Variants in DCLRE1C observed in about 807,000 individuals in gnomAD.
DCLRE1C encodes the protein protein artemis.
DCLRE1C carries 47 observed loss-of-function variants against 61.4 expected under a neutral mutation model. The ratio of observed to expected loss-of-function variants is 0.77; its 90% CI spans 0.61 to 0.98. The LOEUF (loss-of-function observed/expected upper bound fraction) is 0.98, where lower values mean the gene tolerates loss of function less well. DCLRE1C is among the 50% of genes least tolerant of loss of function. The pLI, the probability that DCLRE1C is intolerant of heterozygous loss-of-function variation, is 0.00. For missense variants in DCLRE1C, 858 were observed against 816.0 expected (o/e 1.05, Z -0.63); for synonymous variants, 337 against 287.6 (o/e 1.17, Z -1.74).
intron 9 of DCLRE1C, among the ~76,000 whole-genome samples, chr10:14,929,735 A>G (rs1380936000): frequency 2.0e-5 from 3 of 152,188 alleles, no homozygotes; most frequent in Non-Finnish European, 2.9e-5. Flanking sequence ...TTGAAAAAAA[A>G]TGGGACAACT....
chr10:14,913,518 TTCCTA>T (rs1464039918), intron 13 of DCLRE1C, among the ~76,000 whole-genome samples: 5 of 152,230 alleles, frequency 3.3e-5, no homozygotes, highest in African/African-American at 9.7e-5. Flanking sequence ...TGCTGGAACA[TTCCTA>T]TACCATATTT....
rs1163772028 is a variant in DCLRE1C, at chr10:14,932,935, G to T, written c.699C>A (p.Asp233Glu). The T allele has an allele frequency of 5.6e-6, 9 of 1,614,042 alleles. No individual in the cohort carries two copies. The South Asian group carries it at 9.9e-5, about 18-fold the overall frequency. Residue 233 changes from aspartate to glutamate, a missense_variant, in exon 9 of 14, where the codon GAC (aspartate) becomes GAA (glutamate). Physicochemically the swap from Asp to Glu is conservative, Grantham distance 45. Coordinates refer to ENST00000378278, the MANE Select transcript of DCLRE1C (RefSeq NM_001033855.3). Reference protein sequence around the residue: ...LGVQVHVNKLDMFRNMPEILH... With the variant: ...LGVQVHVNKLEMFRNMPEILH... ...GGATCTCAGGCATGTTCCTAAACAT[G>T]TCTAGCTTATTCACATGAACCTAAG...
At chr10:14,926,801 A>G (rs556247269) in intron 11 of DCLRE1C, 42 bp downstream of exon 11, 1 of 1,524,260 alleles carries the variant, frequency 6.6e-7, no homozygotes, top group Admixed American at 1.7e-5. Flanking sequence ...AGGCTGCAGA[A>G]CACTGAGCGA....
intron 8 of DCLRE1C, 31 bp downstream of exon 8, chr10:14,934,344 GAAAAA>G (rs1564438533): frequency 1.3e-6 from 2 of 1,539,556 alleles, no homozygotes; most frequent in African/African-American, 1.6e-5. Context: ...AAAAAAAAAA[GAAAAA>G]AGAAAAGAAA....
At chr10:14,937,011 C>A (rs1365265144) in intron 4 of DCLRE1C, among the ~76,000 whole-genome samples, 1 of 152,130 alleles carries the variant, frequency 6.6e-6, no homozygotes, top group African/African-American at 2.4e-5. Context: ...CATGGATGAT[C>A]CTTGAAAACA....
At chr10:14,929,394 ACT>A (rs953310705) in intron 9 of DCLRE1C, among the ~76,000 whole-genome samples, 1 of 151,396 alleles carries the variant, frequency 6.6e-6, no homozygotes, top group Non-Finnish European at 1.5e-5. Flanking sequence ...ACGGAGCGAA[ACT>A]CTATCTCAAA....
At chr10:14,924,195 C>T (rs1837580195) in intron 11 of DCLRE1C, among the ~76,000 whole-genome samples, 3 of 152,332 alleles carry the variant, frequency 2.0e-5, no homozygotes, top group Admixed American at 6.5e-5. Context: ...CTCTCACTCG[C>T]GTGCGCTCTC....
In DCLRE1C at chr10:14,909,295, G is replaced by A. The variant is rs764820306; in HGVS notation, c.1192C>T (p.Pro398Ser). ...EDDYLFDDPL[P>S]IPLRHKVPYP... Reference sequence around the variant, plus strand: ...GGAACTTTGTGCCTTAAAGGTATTGGCAGAGGATCATCAAAGAGATAGTCA... The same window carrying A: ...GGAACTTTGTGCCTTAAAGGTATTGACAGAGGATCATCAAAGAGATAGTCA... The change falls in exon 14 of 14, where the codon CCA becomes TCA. Residue 398 changes from proline (P) to serine (S), a missense_variant. By Grantham distance (74) the Pro-to-Ser change is moderately conservative (BLOSUM62 -1). This residue lies in a region of DCLRE1C where 843 missense variants were observed against 783.5 expected (regional missense o/e 1.08). Transcript: ENST00000378278. The A allele has an allele frequency of 1.6e-5, 26 of 1,613,730 alleles. No homozygotes were observed. In the East Asian group the frequency reaches 3.8e-4, roughly 24 times the overall value.
At chr10:14,933,967 T>C (rs1350492759) in intron 8 of DCLRE1C, among the ~76,000 whole-genome samples, 1 of 152,094 alleles carries the variant, frequency 6.6e-6, no homozygotes, top group Non-Finnish European at 1.5e-5. Context: ...CTGTCCCTGT[T>C]TGCAGTTATT....
Position 14,908,361 on chromosome 10 carries a change from T to G in DCLRE1C, c.*47A>C, listed in dbSNP as rs754629357. 1.4e-6 allele frequency: 2 copies of G among 1,384,522 alleles called. No homozygotes were observed. The highest frequency in any genetic ancestry group is 2.3e-5 in the South Asian group (2 of 86,198). The allele number at this position is 1,384,522 out of a possible 1,614,324, so 85.8% of individuals were successfully genotyped here. Reference sequence around the variant, plus strand: ...CTATTGTAATATTGACTGTCATCTCTGTGCAGGTTTTTTAGTGGTTGCTCT... The same window carrying G: ...CTATTGTAATATTGACTGTCATCTCGGTGCAGGTTTTTTAGTGGTTGCTCT... On this transcript the variant is annotated 3_prime_UTR_variant, in exon 14 of 14. Coordinates refer to ENST00000378278, the MANE Select transcript of DCLRE1C (RefSeq NM_001033855.3).
At chr10:14,901,044 A>C, downstream of DCLRE1C, 1 of 1,504,812 alleles carries the variant, frequency 6.6e-7, no homozygotes, top group Non-Finnish European at 9.0e-7. Flanking sequence ...CTTAAACTAA[A>C]TCTCTAGGAA....
intron 11 of DCLRE1C, among the ~76,000 whole-genome samples, chr10:14,925,278 CACTACT>C (rs774699410): frequency 3.2e-3 from 471 of 146,510 alleles, no homozygotes; most frequent in Non-Finnish European, 5.1e-3. Flanking sequence ...AGAAATGGTT[CACTACT>C]ACTTCTCAGA....
intron 13 of DCLRE1C, among the ~76,000 whole-genome samples, chr10:14,910,780 C>G (rs201079375): frequency 0.066 from 9,982 of 151,898 alleles, 497 homozygotes; most frequent in South Asian, 0.23. Flanking sequence ...GATGGAGTAA[C>G]GGACTAGATT....
In DCLRE1C at chr10:14,908,492, C is replaced by G. The variant is rs755306326; in HGVS notation, c.1995G>C (p.Glu665Asp). 4 of 1,613,978 alleles carry G rather than the reference C, an allele frequency of 2.5e-6. No homozygotes were observed. The South Asian group carries it at 4.4e-5, about 18-fold the overall frequency. Residue 665 changes from glutamate (E) to aspartate (D), a missense_variant, in exon 14 of 14, where the codon GAG (glutamate) becomes GAC (aspartate). Physicochemically the swap from Glu to Asp is conservative, Grantham distance 45. Around this residue, in one of 2 missense-constraint regions of DCLRE1C, gnomAD observed 843 missense variants for 783.5 expected, o/e 1.08. Transcript: ENST00000378278. ...STPEAELPKR[E>D]HLQYLYEKLA... ...GCTTCTCATATAAATATTGTAAATG[C>G]TCTCGTTTAGGTAACTCAGCTTCTG...
At position 14,936,546 on chromosome 10, in the gene DCLRE1C, T is replaced by A; in HGVS notation, c.354A>T (p.Gly118=). The A allele has an allele frequency of 6.2e-7, 1 of 1,612,644 alleles. No individual in the cohort carries two copies. Among genetic ancestry groups the A allele is most frequent in the Non-Finnish European group, 8.5e-7 (1 of 1,178,838 alleles). The part of the protein sequence containing the change: ...VTLLPAGHCP[G]SVMFLFQGNN... ...ATAAATGACCCCCTTACATAACTGA[T>A]CCCGGACAGTGACCAGCTGGTAAGA... Residue 118 remains glycine, a synonymous_variant, in exon 5 of 14, where the codon GGA becomes GGT. Coordinates refer to ENST00000378278, the MANE Select transcript of DCLRE1C (RefSeq NM_001033855.3).
chr10:14,916,793 A>G (rs1272441721), intron 13 of DCLRE1C, among the ~76,000 whole-genome samples: 2 of 152,352 alleles, frequency 1.3e-5, no homozygotes, highest in Middle Eastern at 3.4e-3. Context: ...TACCATGTTC[A>G]TGGATCTGAA....
intron 4 of DCLRE1C, among the ~76,000 whole-genome samples, chr10:14,938,288 G>C (rs561703258): frequency 2.6e-4 from 39 of 152,304 alleles, no homozygotes; most frequent in Admixed American, 8.5e-4. Context: ...GACCACCACA[G>C]TATTCCCCGG....
chr10:14,927,393 A>C (rs1838191207), intron 10 of DCLRE1C, among the ~76,000 whole-genome samples: 1 of 151,884 alleles, frequency 6.6e-6, no homozygotes, highest in African/African-American at 2.4e-5. Flanking sequence ...TCCACACAAA[A>C]AAAAAAGAAG....
At chr10:14,937,669 T>C (rs912962500) in intron 4 of DCLRE1C, among the ~76,000 whole-genome samples, 13 of 151,960 alleles carry the variant, frequency 8.6e-5, no homozygotes, top group African/African-American at 2.7e-4. Context: ...GGTGAACGAA[T>C]CCCTTGAGGT....
Sources: allele counts gnomAD v4.1 joint callset (sites outside exome capture counted in the v4.1 genomes callset), GRCh38; gene constraint gnomAD v4.1.1; regional missense constraint gnomAD v4.1.1; transcripts MANE v1.5; gene names NCBI Gene and HGNC (gene_info 2026-07-23, HGNC 2026-07-21).